The following SLC37A3 variants were observed in gnomAD, a reference collection of about 807,000 sequenced individuals.
SLC37A3 encodes the protein sugar phosphate exchanger 3.
A neutral mutation model predicts 67.1 loss-of-function variants in SLC37A3; 51 were observed. The observed-to-expected ratio is 0.76, with a 90% CI of 0.61 to 0.96. SLC37A3 has a LOEUF of 0.96. Among genes scored for constraint, SLC37A3 ranks in the 40% least tolerant of loss-of-function variants. The pLI, the probability that SLC37A3 is intolerant of heterozygous loss-of-function variation, is 0.00. For missense variants in SLC37A3, 508 were observed against 603.0 expected (o/e 0.84, Z 1.65); for synonymous variants, 214 against 231.4 (o/e 0.92, Z 0.68).
chr7:140,387,779 A>AATATAAATATATTATATATTATATAT (rs1563053529), intron 1 of SLC37A3, among the ~76,000 whole-genome samples: 1 of 1,282 alleles, frequency 7.8e-4, no homozygotes, highest in Non-Finnish European at 1.2e-3. Context: ...TATTATACAT[A>AATATAAATATATTATATATTATATAT]AATATAAATA....
At chr7:140,360,239 G>A (rs368730512) in intron 5 of SLC37A3, among the ~76,000 whole-genome samples, 5 of 151,872 alleles carry the variant, frequency 3.3e-5, no homozygotes, top group East Asian at 3.9e-4. Context: ...CCAGCTACAC[G>A]GGAGGCTAAA....
chr7:140,388,976 A>G (rs1036249931), intron 1 of SLC37A3, among the ~76,000 whole-genome samples: 11 of 152,178 alleles, frequency 7.2e-5, no homozygotes, highest in Admixed American at 3.3e-4. Flanking sequence ...GCCTTTGCAA[A>G]ACTATAACTG....
At chr7:140,391,731 C>T (rs1483520459) in intron 1 of SLC37A3, among the ~76,000 whole-genome samples, 1 of 151,988 alleles carries the variant, frequency 6.6e-6, no homozygotes, top group Non-Finnish European at 1.5e-5. Context: ...GGACATATAC[C>T]CCTCCTGAGC....
chr7:140,364,599 C>T, intron 4 of SLC37A3, 108 bp from the exon 5 acceptor site: 1 of 1,016,186 alleles, frequency 9.8e-7, no homozygotes, highest in South Asian at 1.6e-5. Context: ...TTAAAATTAA[C>T]TCTTATACAC....
Position 140,335,187 on chromosome 7 carries a change from C to T in SLC37A3, c.*225G>A. The T allele has an allele frequency of 6.3e-7, 1 of 1,578,472 alleles. No homozygotes were observed. Among genetic ancestry groups the T allele is most frequent in the Non-Finnish European group, 8.6e-7 (1 of 1,157,544 alleles). ...TGGCAGAGTCAGAAGTCACTCGGCACATTCATGAAACAACAGCAAAAATCA... is the reference window on the plus strand; with the variant it reads ...TGGCAGAGTCAGAAGTCACTCGGCATATTCATGAAACAACAGCAAAAATCA... On this transcript the variant is annotated 3_prime_UTR_variant, in exon 15 of 15. Coordinates refer to ENST00000326232, the MANE Select transcript of SLC37A3 (RefSeq NM_207113.3).
chr7:140,351,876 C>T (rs1796816860), intron 8 of SLC37A3, 186 bp downstream of exon 8: 5 of 708,082 alleles, frequency 7.1e-6, no homozygotes, highest in Admixed American at 2.1e-5. Context: ...CCCTCAAACA[C>T]GTCCAGCTGT....
At chr7:140,372,309 T>C (rs1797853310) in intron 3 of SLC37A3, among the ~76,000 whole-genome samples, 1 of 152,214 alleles carries the variant, frequency 6.6e-6, no homozygotes, top group East Asian at 1.9e-4. Context: ...GCCCTCCAAC[T>C]GTGGTCCACA....
intron 2 of SLC37A3, among the ~76,000 whole-genome samples, chr7:140,381,265 G>A (rs1798241709): frequency 6.7e-6 from 1 of 149,288 alleles, no homozygotes; most frequent in African/African-American, 2.4e-5. Flanking sequence ...TATAGTCCCA[G>A]CACTTTGGGA....
At chr7:140,344,996 CT>C (rs1436230061) in intron 12 of SLC37A3, among the ~76,000 whole-genome samples, 1 of 152,118 alleles carries the variant, frequency 6.6e-6, no homozygotes, top group Non-Finnish European at 1.5e-5. Flanking sequence ...TAGAAAATCT[CT>C]GTCAATAGGG....
intron 6 of SLC37A3, among the ~76,000 whole-genome samples, chr7:140,356,029 T>C (rs1373996939): frequency 6.6e-6 from 1 of 151,810 alleles, no homozygotes; most frequent in African/African-American, 2.4e-5. Context: ...ACCCCATCTC[T>C]ACTAAAAATA....
intron 4 of SLC37A3, among the ~76,000 whole-genome samples, chr7:140,365,355 G>A (rs1797555685): frequency 6.6e-6 from 1 of 152,076 alleles, no homozygotes; most frequent in Non-Finnish European, 1.5e-5. Flanking sequence ...AGCACTTTGG[G>A]AGCGGGGAGA....
At chr7:140,390,094 A>C (rs993186645) in intron 1 of SLC37A3, among the ~76,000 whole-genome samples, 3 of 152,126 alleles carry the variant, frequency 2.0e-5, no homozygotes, top group Non-Finnish European at 4.4e-5. Flanking sequence ...GCCTCAAAAA[A>C]CAAAACAAAA....
chr7:140,359,330 G>A (rs558632063), intron 5 of SLC37A3, among the ~76,000 whole-genome samples: 19 of 145,054 alleles, frequency 1.3e-4, no homozygotes, highest in African/African-American at 3.5e-4. Flanking sequence ...GCGGGAGTGC[G>A]AGACTCTGTC....
intron 4 of SLC37A3, among the ~76,000 whole-genome samples, chr7:140,368,322 T>C (rs1023228916): frequency 6.6e-6 from 1 of 151,728 alleles, no homozygotes; most frequent in African/African-American, 2.4e-5. Context: ...TCCCAGCACT[T>C]TGGGAGGCCG....
In SLC37A3 at chr7:140,349,537, AAG is replaced by A. The variant is rs200894062; in HGVS notation, c.883-772_883-771del. Among the ~76,000 whole-genome samples the A allele has an allele frequency of 6.0e-5, 8 of 133,284 alleles. No individual in the cohort carries two copies. In the East Asian group the frequency reaches 1.9e-3, roughly 31 times the overall value. The allele number at this position is 133,284 out of a possible 152,430, so 87.4% of individuals were successfully genotyped here. The stretch of plus-strand genomic sequence containing the variant: ...TCCTGACATTCAGCATCAAAGGAAA[AAG>A]GGGGGGGGGACAGAGGGGCTGACTT... On this transcript the variant is annotated intron_variant, in intron 9 of 14. Transcript: ENST00000326232.
At chr7:140,379,520 A>G (rs1437376212) in intron 3 of SLC37A3, 1 of 151,934 alleles carries the variant, frequency 6.6e-6, no homozygotes, top group African/African-American at 2.4e-5. Context: ...TTGAAATACC[A>G]AGACATTACA....
intron 1 of SLC37A3, among the ~76,000 whole-genome samples, chr7:140,393,207 C>A (rs1798789869): frequency 6.6e-6 from 1 of 152,194 alleles, no homozygotes; most frequent in Admixed American, 6.5e-5. Flanking sequence ...TGTGCCTCTG[C>A]ACACATACCA....
At chr7:140,362,585 C>CAGAA (rs1797380426) in intron 5 of SLC37A3, among the ~76,000 whole-genome samples, 1 of 81,884 alleles carries the variant, frequency 1.2e-5, no homozygotes, top group Admixed American at 1.1e-4. Context: ...CCGCCCCGTC[C>CAGAA]GGGAGGTGAG....
intron 10 of SLC37A3, among the ~76,000 whole-genome samples, chr7:140,347,874 T>C (rs1035733567): frequency 3.3e-5 from 5 of 152,132 alleles, no homozygotes; most frequent in African/African-American, 1.2e-4. Context: ...ACCTACACAC[T>C]AAGGTGTATT....
Sources: allele counts gnomAD v4.1 joint callset (sites outside exome capture counted in the v4.1 genomes callset), GRCh38; gene constraint gnomAD v4.1.1; transcripts MANE v1.5; gene names NCBI Gene and HGNC (gene_info 2026-07-23, HGNC 2026-07-21).